Variants in ADGRB3 observed in about 807,000 individuals in gnomAD.
ADGRB3 encodes the protein brain-specific angiogenesis inhibitor 3.
Under a neutral mutation model 193.4 loss-of-function variants are expected in ADGRB3, and 37 were observed. That is an observed-to-expected ratio of 0.19 (90% CI 0.15 to 0.25). The LOEUF is 0.25. Ranked by LOEUF, ADGRB3 falls within the 10% of genes least tolerant of loss-of-function variation. The pLI, the probability that ADGRB3 is intolerant of heterozygous loss-of-function variation, is 1.00. For missense variants in ADGRB3, 1,637 were observed against 1,852.9 expected (o/e 0.88, Z 2.14); for synonymous variants, 690 against 644.2 (o/e 1.07, Z -1.08).
chr6:69,388,583 G>A, intron 31 of ADGRB3, 120 bp from the exon 32 acceptor site: 7 of 943,642 alleles, frequency 7.4e-6, no homozygotes, highest in Non-Finnish European at 1.1e-5. Context: ...GTATTTTCAA[G>A]TCATCTCTGC....
chr6:69,149,027 G>A (rs1367286538), intron 17 of ADGRB3, among the ~76,000 whole-genome samples: 1 of 152,036 alleles, frequency 6.6e-6, no homozygotes, highest in Non-Finnish European at 1.5e-5. Context: ...TTGAGACAAG[G>A]TAAATCTGTG....
intron 3 of ADGRB3, among the ~76,000 whole-genome samples, chr6:68,757,015 A>G (rs1766310389): frequency 6.6e-6 from 1 of 152,108 alleles, no homozygotes; most frequent in Non-Finnish European, 1.5e-5. Flanking sequence ...CCAAATCCTC[A>G]TACTCTCTAT....
At chr6:68,935,473 T>C (rs952702179) in intron 4 of ADGRB3, among the ~76,000 whole-genome samples, 17 of 152,212 alleles carry the variant, frequency 1.1e-4, no homozygotes, top group Non-Finnish European at 5.9e-5. Context: ...ACATAAAATA[T>C]TGTTAAATTG....
intron 3 of ADGRB3, among the ~76,000 whole-genome samples, chr6:68,782,828 T>G (rs1338150247): frequency 1.3e-5 from 2 of 151,432 alleles, no homozygotes; most frequent in African/African-American, 4.9e-5. Flanking sequence ...TTGTTTGTTT[T>G]TTTTCTTGTA....
In ADGRB3 at chr6:68,708,575, A is replaced by G. The variant is rs934885798; in HGVS notation, c.757+69143A>G. ...AATTAACAGAAGTTTGAAACATGTC[A>G]CGTGGTTAGATTTTTTAAAAACAAA... On this transcript the variant is annotated intron_variant, in intron 3 of 31. Coordinates refer to ENST00000370598, the MANE Select transcript of ADGRB3 (RefSeq NM_001704.3). Among the ~76,000 whole-genome samples, 72 of 152,228 alleles carry G rather than the reference A, an allele frequency of 4.7e-4. 2 individuals are homozygous for G. The highest frequency in any genetic ancestry group is 4.7e-3 in the Admixed American group (72 of 15,274).
At chr6:68,951,180 T>A (rs1406965959) in intron 6 of ADGRB3, among the ~76,000 whole-genome samples, 2 of 152,176 alleles carry the variant, frequency 1.3e-5, no homozygotes, top group African/African-American at 2.4e-5. Context: ...ATTCTGGATT[T>A]TAAAAAAAAT....
At chr6:69,089,326 G>C (rs1300176993) in intron 17 of ADGRB3, among the ~76,000 whole-genome samples, 1 of 152,134 alleles carries the variant, frequency 6.6e-6, no homozygotes, top group Non-Finnish European at 1.5e-5. Context: ...CATAATTATT[G>C]ACTTTATAAA....
At chr6:68,707,083 C>A (rs991471395) in intron 3 of ADGRB3, among the ~76,000 whole-genome samples, 21 of 144,728 alleles carry the variant, frequency 1.5e-4, no homozygotes, top group Non-Finnish European at 1.9e-4. Context: ...GGCACTCCAG[C>A]CTGGGCAACA....
At chr6:68,869,035 C>A (rs1255884143) in intron 3 of ADGRB3, among the ~76,000 whole-genome samples, 1 of 151,650 alleles carries the variant, frequency 6.6e-6, no homozygotes, top group African/African-American at 2.4e-5. Flanking sequence ...AAAATGAATA[C>A]TTTCCAGGAG....
At chr6:69,359,777 G>A (rs934762202) in intron 28 of ADGRB3, among the ~76,000 whole-genome samples, 2 of 151,836 alleles carry the variant, frequency 1.3e-5, no homozygotes, top group African/African-American at 2.4e-5. Context: ...GCTCTACTTC[G>A]TAGGTAGGTT....
intron 20 of ADGRB3, among the ~76,000 whole-genome samples, chr6:69,301,519 T>A (rs865901405): frequency 2.0e-5 from 3 of 151,896 alleles, no homozygotes; most frequent in African/African-American, 7.2e-5. Context: ...TTTCTTATGG[T>A]TCTTGCATAT....
At chr6:68,932,058 A>G (rs912997609) in intron 4 of ADGRB3, among the ~76,000 whole-genome samples, 6 of 152,170 alleles carry the variant, frequency 3.9e-5, no homozygotes, top group African/African-American at 1.4e-4. Context: ...CAGGGAGCAA[A>G]AAGTCTCAAC....
intron 3 of ADGRB3, among the ~76,000 whole-genome samples, chr6:68,899,947 A>T (rs946830665): frequency 6.6e-6 from 1 of 152,084 alleles, no homozygotes; most frequent in African/African-American, 2.4e-5. Context: ...GCTGACTGAG[A>T]AAAAGGCATG....
At position 69,332,829 on chromosome 6, in the gene ADGRB3, G is replaced by A. The variant is rs1488323804; in HGVS notation, c.3103-94G>A. 2.0e-6 allele frequency: 3 copies of A among 1,537,126 alleles called. No individual in the cohort carries two copies. The East Asian group carries it at 7.0e-5, about 36-fold the overall frequency. On this transcript the variant is annotated intron_variant, in intron 23 of 31. Coordinates refer to ENST00000370598, the MANE Select transcript of ADGRB3 (RefSeq NM_001704.3). The stretch of plus-strand genomic sequence containing the variant: ...TTCATACCACTACTAGTGATACGGT[G>A]GTTATGAATTGATAAAAATAGGATT...
chr6:69,325,993 T>C (rs550413566), intron 21 of ADGRB3, among the ~76,000 whole-genome samples: 2 of 151,656 alleles, frequency 1.3e-5, no homozygotes, highest in East Asian at 1.9e-4. Context: ...TACCTGAGCG[T>C]GGGTGGACTA....
chr6:68,676,208 T>A (rs1769081503), intron 3 of ADGRB3, among the ~76,000 whole-genome samples: 1 of 151,518 alleles, frequency 6.6e-6, no homozygotes, highest in African/African-American at 2.4e-5. Flanking sequence ...CTGGCTAACA[T>A]CACGAAACCC....
chr6:69,152,449 AT>A (rs1172306132), intron 17 of ADGRB3, among the ~76,000 whole-genome samples: 39 of 152,336 alleles, frequency 2.6e-4, no homozygotes, highest in Non-Finnish European at 3.5e-4. Flanking sequence ...TTAATCTGAA[AT>A]GTAGAAAGCA....
intron 17 of ADGRB3, among the ~76,000 whole-genome samples, chr6:69,141,119 CT>C (rs1391159036): frequency 4.1e-4 from 48 of 116,800 alleles, no homozygotes; most frequent in South Asian, 6.1e-4. Context: ...ATATTTCTTT[CT>C]TTTTTTTTGG....
chr6:69,132,551 A>G (rs1384427464), intron 17 of ADGRB3, among the ~76,000 whole-genome samples: 1 of 152,144 alleles, frequency 6.6e-6, no homozygotes, highest in East Asian at 1.9e-4. Flanking sequence ...ATAGATTGCA[A>G]AAATTTTCTC....
Sources: allele counts gnomAD v4.1 joint callset (sites outside exome capture counted in the v4.1 genomes callset), GRCh38; gene constraint gnomAD v4.1.1; transcripts MANE v1.5; gene names NCBI Gene and HGNC (gene_info 2026-07-23, HGNC 2026-07-21).